Variants in ZNF500 observed in about 807,000 individuals in gnomAD.
ZNF500 encodes the protein zinc finger protein 500, also known as zinc finger protein with KRAB and SCAN domains 18.
Under a neutral mutation model 30.1 loss-of-function variants are expected in ZNF500, and 31 were observed. The ratio of observed to expected loss-of-function variants is 1.03; its 90% confidence interval spans 0.77 to 1.39. The LOEUF is 1.39. Among genes scored for constraint, ZNF500 ranks in the 40% most tolerant of loss-of-function variants. The pLI, the probability that ZNF500 is intolerant of heterozygous loss-of-function variation, is 0.00. For missense variants in ZNF500, 817 were observed against 657.8 expected (o/e 1.24, Z -2.65); for synonymous variants, 392 against 282.0 (o/e 1.39, Z -3.91).
At chr16:4,764,558 A>T (rs1363670560) in intron 2 of ZNF500, among the ~76,000 whole-genome samples, 10 of 151,396 alleles carry the variant, frequency 6.6e-5, no homozygotes, top group Non-Finnish European at 1.3e-4. Context: ...AAGGCAGGTG[A>T]ATCACGAGGT....
chr16:4,760,942 G>A (rs1030375599), intron 4 of ZNF500, among the ~76,000 whole-genome samples: 1 of 152,134 alleles, frequency 6.6e-6, no homozygotes, highest in Non-Finnish European at 1.5e-5. Context: ...GGCAGACGGG[G>A]GACTTCAGGA....
At chr16:4,744,869 G>C, downstream of ZNF500, 1 of 1,611,564 alleles carries the variant, frequency 6.2e-7, no homozygotes, top group Non-Finnish European at 8.5e-7. Flanking sequence ...GCCATCCTCA[G>C]ACCGCATGGT....
intron 3 of ZNF500, 60 bp downstream of exon 3, chr16:4,762,513 A>G: frequency 6.4e-7 from 1 of 1,554,084 alleles, no homozygotes; most frequent in South Asian, 1.2e-5. Flanking sequence ...TCCACACCCC[A>G]GTCACCTTCA....
chr16:4,751,905 C>T lies in ZNF500; in HGVS notation c.*471G>A. ...CCTGGGGGACACAGCAAGGCCCCGT[C>T]TCAAAAAAAAAAGGGGGGGGGAGCA... On this transcript the variant is annotated 3_prime_UTR_variant, in exon 6 of 6. Transcript: ENST00000219478. 1 of 267,072 alleles carries T rather than the reference C, an allele frequency of 3.7e-6. No homozygotes were observed. The highest frequency in any genetic ancestry group is 6.1e-6 in the Non-Finnish European group (1 of 164,294). The allele number at this position is 267,072 out of a possible 1,614,324, so 16.5% of individuals were successfully genotyped here. A position where few individuals can be genotyped will look rare whatever the true frequency, so the allele number is the denominator to read the frequency against.
chr16:4,762,941 C>T, intron 2 of ZNF500, 185 bp from the exon 3 acceptor site: 1 of 985,418 alleles, frequency 1.0e-6, no homozygotes, highest in Non-Finnish European at 1.2e-6. Flanking sequence ...GCCTGCTCTA[C>T]TCCATGGTCT....
intron 2 of ZNF500, chr16:4,763,687 G>A: frequency 1.0e-6 from 1 of 985,306 alleles, no homozygotes; most frequent in Non-Finnish European, 1.2e-6. Flanking sequence ...CATGTGTGCA[G>A]AGGTGTCGGT....
chr16:4,757,534 G>C (rs570275151), intron 5 of ZNF500, among the ~76,000 whole-genome samples: 1 of 151,920 alleles, frequency 6.6e-6, no homozygotes, highest in East Asian at 1.9e-4. Flanking sequence ...TCCTGGACTC[G>C]AGCAATCCAC....
chr16:4,765,023 T>G (rs1428243140), intron 2 of ZNF500, among the ~76,000 whole-genome samples: 1 of 150,904 alleles, frequency 6.6e-6, no homozygotes, highest in Non-Finnish European at 1.5e-5. Flanking sequence ...TGTTTGGGGC[T>G]GGCGTAGTGG....
rs529586794 is a variant in ZNF500, at chr16:4,751,411, C to T, written c.*965G>A. The stretch of plus-strand genomic sequence containing the variant: ...TGGGGAGATGTCAGGCCCGTCACAT[C>T]CCAGGCAACATGTCAGGAAGATGGA... On this transcript the variant is annotated 3_prime_UTR_variant, in exon 6 of 6. Transcript: ENST00000219478. 16 of 655,476 alleles carry T rather than the reference C, an allele frequency of 2.4e-5. No individual in the cohort carries two copies. The East Asian group carries it at 4.4e-4, about 18-fold the overall frequency. 40.6% of individuals were successfully genotyped at this position (655,476 alleles called of 1,614,324 possible).
At chr16:4,747,344 A>C (rs1362784302), downstream of ZNF500, 1 of 1,573,304 alleles carries the variant, frequency 6.4e-7, no homozygotes, top group Non-Finnish European at 8.6e-7. Flanking sequence ...GTGTCACAGG[A>C]CCTGTACCGG....
downstream of ZNF500, among the ~76,000 whole-genome samples, chr16:4,748,026 G>A (rs748499231): frequency 2.0e-5 from 3 of 152,018 alleles, no homozygotes; most frequent in Admixed American, 6.6e-5. Context: ...CAAGTAAAAC[G>A]TATTTAGAGG....
intron 5 of ZNF500, among the ~76,000 whole-genome samples, chr16:4,754,169 G>A (rs1271084122): frequency 6.6e-6 from 1 of 152,188 alleles, no homozygotes; most frequent in African/African-American, 2.4e-5. Context: ...TCTGCGCATG[G>A]TAGGCACACG....
intron 3 of ZNF500, 90 bp downstream of exon 3, chr16:4,762,483 G>A (rs1367069781): frequency 2.6e-6 from 4 of 1,518,374 alleles, no homozygotes; most frequent in East Asian, 2.3e-5. Flanking sequence ...CATCCAGGCA[G>A]GCCTCTGCCC....
chr16:4,751,739 G>T lies in ZNF500; in HGVS notation c.*637C>A. 1 of 1,190,176 alleles carries T rather than the reference G, an allele frequency of 8.4e-7. No homozygotes were observed. Among genetic ancestry groups the T allele is most frequent in the Non-Finnish European group, 1.2e-6 (1 of 835,386 alleles). The allele number at this position is 1,190,176 out of a possible 1,614,324, so 73.7% of individuals were successfully genotyped here. ...TATTGGGGGACCCTAAACCCAGTGA[G>T]TGGTGGCCCTACCAAAAAAGAGACT... On this transcript the variant is annotated 3_prime_UTR_variant, in exon 6 of 6. Transcript: ENST00000219478.
downstream of ZNF500, chr16:4,746,898 C>A: frequency 2.6e-6 from 4 of 1,515,474 alleles, no homozygotes; most frequent in Non-Finnish European, 3.5e-6. Flanking sequence ...GGAGTGGGCA[C>A]ATCCAGAAAC....
At chr16:4,760,616 G>A in intron 4 of ZNF500, 28 bp from the exon 5 acceptor site, 10 of 1,602,880 alleles carry the variant, frequency 6.2e-6, no homozygotes, top group Non-Finnish European at 8.5e-6. Flanking sequence ...ACTCAGTCCT[G>A]GCCCCAAGCA....
Position 4,765,673 on chromosome 16 carries a change from C to G in ZNF500, c.306G>C (p.Leu102=), listed in dbSNP as rs764391588. Residue 102 remains leucine (L), a synonymous_variant, in exon 2 of 6, where the codon CTG becomes CTC. Coordinates refer to ENST00000219478, the MANE Select transcript of ZNF500 (RefSeq NM_021646.4). ...LLVLEQFLTV[L]PGEIQARVRE... ...GTACCCGAGCCTGGATCTCCCCCGG[C>G]AGCACAGTCAGGAACTGCTCCAGCA... 2 of 1,613,700 alleles carry G rather than the reference C, an allele frequency of 1.2e-6. No homozygotes were observed. Among genetic ancestry groups the G allele is most frequent in the Admixed American group, 3.3e-5 (2 of 60,030 alleles).
chr16:4,763,899 C>A, intron 2 of ZNF500: 1 of 985,452 alleles, frequency 1.0e-6, no homozygotes, highest in Non-Finnish European at 1.2e-6. Context: ...CAGTGTGCAG[C>A]CAGCAGCACT....
At chr16:4,746,147 CAGAT>C (rs2082014760), downstream of ZNF500, 1 of 478,882 alleles carries the variant, frequency 2.1e-6, no homozygotes. Context: ...ACACTTACCA[CAGAT>C]AGAGAGCATG....
Sources: gnomAD v4.1 joint callset for allele counts (sites outside exome capture counted in the v4.1 genomes callset) on GRCh38, gnomAD v4.1.1 for gene constraint, MANE v1.5 for transcripts, NCBI Gene and HGNC (gene_info 2026-07-23, HGNC 2026-07-21) for gene names.